Variants in GALC observed in about 807,000 individuals in gnomAD.
GALC encodes the protein galactocerebrosidase.
Under a neutral mutation model 91.8 loss-of-function variants are expected in GALC, and 77 were observed. That is an observed-to-expected ratio of 0.84 (90% CI 0.70 to 1.01). GALC has a LOEUF of 1.01. GALC is among the 50% of genes least tolerant of loss of function. The pLI, the probability that GALC is intolerant of heterozygous loss-of-function variation, is 0.00. For synonymous variants in GALC, 357 were observed against 306.7 expected (o/e 1.16, Z -1.71); for missense variants, 882 against 855.9 (o/e 1.03, Z -0.38).
rs766903187 is a variant in GALC at position 87,945,533 on chromosome 14, A to G, written c.1670+20T>C. 4 of 1,553,216 alleles carry G rather than the reference A, an allele frequency of 2.6e-6. No individual in the cohort carries two copies. The African/African-American group carries it at 5.4e-5, about 21-fold the overall frequency. On this transcript the variant is annotated intron_variant, in intron 14 of 16. Coordinates refer to ENST00000261304, the MANE Select transcript of GALC (RefSeq NM_000153.4). Reference sequence around the variant, plus strand: ...ACAAGGGTATTTCAGCCAGATCCACATTGAGAACATCAATCTTACCAGTTG... The same window carrying G: ...ACAAGGGTATTTCAGCCAGATCCACGTTGAGAACATCAATCTTACCAGTTG...
intron 10 of GALC, among the ~76,000 whole-genome samples, chr14:87,956,192 A>G (rs1170626964): frequency 1.3e-5 from 2 of 152,020 alleles, no homozygotes; most frequent in African/African-American, 4.8e-5. Context: ...TCCTGGAAAA[A>G]CAAATCCCAG....
At chr14:87,986,182 C>T (rs1326816525) in intron 4 of GALC, among the ~76,000 whole-genome samples, 1 of 152,046 alleles carries the variant, frequency 6.6e-6, no homozygotes, top group Non-Finnish European at 1.5e-5. Context: ...GTGCTAACAC[C>T]GATTTTGCCA....
rs767328623 is a variant in GALC at position 87,964,217 on chromosome 14, TA to T, written c.1034-707del. On this transcript the variant is annotated intron_variant, in intron 9 of 16. Coordinates refer to ENST00000261304, the MANE Select transcript of GALC (RefSeq NM_000153.4). ...TACAAGTCTAACCTTAATTTTCTTATATTTTTTGGAGGACAATTTAAGGAGT... is the reference window on the plus strand; with the variant it reads ...TACAAGTCTAACCTTAATTTTCTTATTTTTTTGGAGGACAATTTAAGGAGT... Among the ~76,000 whole-genome samples the T allele has an allele frequency of 6.6e-5, 10 of 152,222 alleles. No homozygotes were observed. In the East Asian group the frequency reaches 1.5e-3, roughly 24 times the overall value.
chr14:87,991,328 G>A (rs1265399360), intron 1 of GALC, among the ~76,000 whole-genome samples: 1 of 152,006 alleles, frequency 6.6e-6, no homozygotes, highest in Admixed American at 6.6e-5. Flanking sequence ...TCAGCCTCCC[G>A]AGTAGCTGGG....
intron 4 of GALC, among the ~76,000 whole-genome samples, 184 bp downstream of exon 4, chr14:87,986,305 C>CA (rs1886967133): frequency 6.6e-6 from 1 of 152,126 alleles, no homozygotes; most frequent in Non-Finnish European, 1.5e-5. Context: ...TATAAGGATT[C>CA]AACATAATAT....
intron 10 of GALC, among the ~76,000 whole-genome samples, chr14:87,958,293 G>A (rs1006217211): frequency 1.3e-5 from 2 of 150,434 alleles, no homozygotes; most frequent in African/African-American, 4.8e-5. Flanking sequence ...ACTGTAATTC[G>A]GTTAGTTTAA....
intron 16 of GALC, among the ~76,000 whole-genome samples, chr14:87,938,511 G>A (rs751820096): frequency 2.6e-5 from 4 of 151,902 alleles, no homozygotes; most frequent in Non-Finnish European, 5.9e-5. Context: ...AAACAAGCAT[G>A]TGCACATGTG....
intron 11 of GALC, among the ~76,000 whole-genome samples, chr14:87,950,134 A>C (rs1885242990): frequency 6.6e-6 from 1 of 152,064 alleles, no homozygotes; most frequent in South Asian, 2.1e-4. Context: ...AACACTAAAG[A>C]ATTTTGGCAA....
At chr14:87,974,290 C>T (rs535411967) in intron 7 of GALC, among the ~76,000 whole-genome samples, 2 of 152,194 alleles carry the variant, frequency 1.3e-5, no homozygotes, top group African/African-American at 4.8e-5. Context: ...GAAAAGAAAG[C>T]ATAGATCTCT....
chr14:87,968,523 A>C, intron 7 of GALC, 33 bp from the exon 8 acceptor site: 1 of 1,609,580 alleles, frequency 6.2e-7, no homozygotes, highest in South Asian at 1.1e-5. Context: ...TCAATGAAAA[A>C]AGGTCACGAC....
intron 3 of GALC, 61 bp downstream of exon 3, chr14:87,988,083 A>G: frequency 8.1e-7 from 1 of 1,241,034 alleles, no homozygotes; most frequent in South Asian, 1.2e-5. Context: ...ATCACAGTCC[A>G]TATGCTGAGG....
chr14:87,951,026 T>C (rs1236666187), intron 10 of GALC, among the ~76,000 whole-genome samples: 2 of 152,028 alleles, frequency 1.3e-5, no homozygotes, highest in East Asian at 3.9e-4. Context: ...TACAGATTAA[T>C]TTTTTGTTAT....
chr14:87,952,841 C>A, intron 10 of GALC: 1 of 1,239,728 alleles, frequency 8.1e-7, no homozygotes, highest in Non-Finnish European at 1.2e-6. Flanking sequence ...AGGTAACGAG[C>A]TCTAATATGC....
At chr14:87,970,106 C>T (rs1461191556) in intron 7 of GALC, among the ~76,000 whole-genome samples, 1 of 152,092 alleles carries the variant, frequency 6.6e-6, no homozygotes, top group Non-Finnish European at 1.5e-5. Context: ...AAAAATTACA[C>T]TTTAGATTTA....
At position 87,945,672 on chromosome 14, in the gene GALC, A is replaced by G. The variant is rs1230432398; in HGVS notation, c.1551T>C (p.Phe517=). The change falls in exon 14 of 17, where the codon TTT becomes TTC. Residue 517 remains phenylalanine, a synonymous_variant. Transcript: ENST00000261304. ...GCTCGCCAGGGTCTTCAATATTTGT[A>G]AAATATTCAAATACACCAGTTTGAT... The part of the protein sequence containing the change: ...FADQTGVFEY[F]TNIEDPGEHH... 1.2e-6 allele frequency: 2 copies of G among 1,611,280 alleles called. No individual in the cohort carries two copies. Among genetic ancestry groups the G allele is most frequent in the African/African-American group, 1.3e-5 (1 of 74,782 alleles).
chr14:87,959,126 G>A (rs532148823), intron 10 of GALC, among the ~76,000 whole-genome samples: 4 of 151,862 alleles, frequency 2.6e-5, no homozygotes, highest in East Asian at 1.9e-4. Context: ...CTTAAACAAC[G>A]ACAACAAAAT....
chr14:87,955,752 G>T (rs1337476146), intron 10 of GALC, among the ~76,000 whole-genome samples: 1 of 152,062 alleles, frequency 6.6e-6, no homozygotes, highest in South Asian at 2.1e-4. Context: ...GGGGAAGAGC[G>T]TTCTGTGGTT....
At chr14:87,992,549 G>A in intron 1 of GALC, 1 of 1,514,080 alleles carries the variant, frequency 6.6e-7, no homozygotes, top group African/African-American at 1.4e-5. Context: ...GCATCCCACT[G>A]GGGCGTTCTC....
intron 15 of GALC, 88 bp from the exon 16 acceptor site, chr14:87,940,069 T>A (rs534342512): frequency 9.9e-7 from 1 of 1,008,474 alleles, no homozygotes; most frequent in African/African-American, 1.6e-5. Context: ...TTGAGTGGCA[T>A]CTGTATGTAG....
Sources: allele counts gnomAD v4.1 joint callset (sites outside exome capture counted in the v4.1 genomes callset), GRCh38; gene constraint gnomAD v4.1.1; transcripts MANE v1.5; gene names NCBI Gene and HGNC (gene_info 2026-07-23, HGNC 2026-07-21).